Variants in RASGRF1 observed in about 807,000 individuals in gnomAD.
RASGRF1 encodes Ras protein specific guanine nucleotide releasing factor 1, also known as ras-specific guanine nucleotide-releasing factor 1.
Under a neutral mutation model 138.7 loss-of-function variants are expected in RASGRF1, and 40 were observed. The ratio of observed to expected loss-of-function variants is 0.29; its 90% CI spans 0.22 to 0.38. RASGRF1 has a LOEUF of 0.38. Among genes scored for constraint, RASGRF1 ranks in the 10% least tolerant of loss-of-function variants. The pLI, the probability that RASGRF1 is intolerant of heterozygous loss-of-function variation, is 1.00. For missense variants in RASGRF1, 1,108 were observed against 1,650.4 expected (o/e 0.67, Z 5.69); for synonymous variants, 614 against 663.2 (o/e 0.93, Z 1.14).
intron 20 of RASGRF1, among the ~76,000 whole-genome samples, chr15:78,992,094 C>T (rs146442689): frequency 6.2e-4 from 95 of 152,346 alleles, no homozygotes; most frequent in African/African-American, 2.1e-3. Context: ...ATGGAGGCTT[C>T]CAGAGGTGAG....
chr15:78,990,115 G>A (rs1379504097), intron 22 of RASGRF1, 74 bp downstream of exon 22: 13 of 1,237,704 alleles, frequency 1.1e-5, no homozygotes, highest in South Asian at 3.6e-5. Flanking sequence ...TGTATAGCCC[G>A]TTCTCTACCC....
intron 22 of RASGRF1, 102 bp from the exon 23 acceptor site, chr15:78,985,306 G>C: frequency 8.2e-7 from 1 of 1,222,918 alleles, no homozygotes; most frequent in Non-Finnish European, 1.1e-6. Flanking sequence ...GAAAATACAA[G>C]AAGGAATTGG....
At chr15:78,999,000 T>C (rs755033432) in intron 17 of RASGRF1, among the ~76,000 whole-genome samples, 175 bp from the exon 18 acceptor site, 1 of 152,202 alleles carries the variant, frequency 6.6e-6, no homozygotes, top group Non-Finnish European at 1.5e-5. Flanking sequence ...ACAGATGTCA[T>C]GGCTCCTCAG....
chr15:79,014,925 AAAAAACAAAAAAC>A (rs1567520814), intron 13 of RASGRF1, among the ~76,000 whole-genome samples: 7 of 24,034 alleles, frequency 2.9e-4, no homozygotes, highest in African/African-American at 3.3e-4. Context: ...TCAAAAAAAC[AAAAAACAAAAAAC>A]AAAAAACAAA....
chr15:78,978,905 G>A (rs1260602291), intron 24 of RASGRF1: 3 of 1,256,204 alleles, frequency 2.4e-6, no homozygotes, highest in Non-Finnish European at 3.1e-6. Context: ...CAGGGAGCAG[G>A]GGAATGTGGG....
At chr15:78,980,830 C>T in intron 23 of RASGRF1, 131 bp from the exon 24 acceptor site, 1 of 613,440 alleles carries the variant, frequency 1.6e-6, no homozygotes, top group Non-Finnish European at 2.7e-6. Context: ...ATCTGGGGGC[C>T]TCCTGTGTTT....
At chr15:79,029,019 T>C (rs1482135062) in intron 8 of RASGRF1, among the ~76,000 whole-genome samples, 1 of 152,268 alleles carries the variant, frequency 6.6e-6, no homozygotes, top group African/African-American at 2.4e-5. Context: ...ATGCCATGCC[T>C]GGCATGTGAC....
intron 24 of RASGRF1, among the ~76,000 whole-genome samples, chr15:78,975,203 C>T (rs2055847232): frequency 6.6e-6 from 1 of 152,030 alleles, no homozygotes; most frequent in South Asian, 2.1e-4. Context: ...CCAGCCTGAG[C>T]AACATAGTGA....
At chr15:78,966,653 C>A (rs1356415725) in intron 26 of RASGRF1, among the ~76,000 whole-genome samples, 1 of 151,506 alleles carries the variant, frequency 6.6e-6, no homozygotes, top group Admixed American at 6.6e-5. Flanking sequence ...TTAAAAAAGC[C>A]AAGTAGCATT....
intron 1 of RASGRF1, among the ~76,000 whole-genome samples, chr15:79,084,967 A>T (rs1270594148): frequency 6.6e-6 from 1 of 151,930 alleles, no homozygotes; most frequent in Admixed American, 6.6e-5. Flanking sequence ...CCGTTCCTTC[A>T]TCCTCTCAGG....
At chr15:78,985,432 A>G in intron 22 of RASGRF1, 2 of 459,054 alleles carry the variant, frequency 4.4e-6, no homozygotes, top group Non-Finnish European at 3.9e-6. Context: ...TACAACAAAA[A>G]TACAACCTTC....
intron 24 of RASGRF1, chr15:78,979,346 T>A: frequency 2.2e-6 from 1 of 451,698 alleles, no homozygotes; most frequent in Non-Finnish European, 3.5e-6. Flanking sequence ...TCAAAGCCAC[T>A]GTCAAGGGCT....
chr15:79,075,434 T>A (rs1201974244), intron 1 of RASGRF1, among the ~76,000 whole-genome samples: 5 of 152,150 alleles, frequency 3.3e-5, no homozygotes, highest in Non-Finnish European at 7.4e-5. Context: ...GGCCCCAGTA[T>A]GCCTCTCCTG....
At chr15:79,030,658 G>A (rs1232770254) in intron 8 of RASGRF1, among the ~76,000 whole-genome samples, 4 of 152,090 alleles carry the variant, frequency 2.6e-5, no homozygotes, top group Non-Finnish European at 4.4e-5. Context: ...TGGCACCTCC[G>A]CCCTCTGGTG....
chr15:79,078,595 G>C (rs1428782604), intron 1 of RASGRF1, among the ~76,000 whole-genome samples: 1 of 152,104 alleles, frequency 6.6e-6, no homozygotes, highest in African/African-American at 2.4e-5. Flanking sequence ...AATCCAGAAA[G>C]AACTCATCCA....
At chr15:78,979,055 A>C in intron 24 of RASGRF1, 1 of 1,291,434 alleles carries the variant, frequency 7.7e-7, no homozygotes, top group Non-Finnish European at 1.0e-6. Context: ...CCATGTGAGG[A>C]GGTGGATGGA....
rs2141712767 is a variant in RASGRF1, at chr15:79,003,985, G to A, written c.2266C>T (p.Leu756=). The change falls in exon 15 of 27, where the codon CTG becomes TTG. Residue 756 remains leucine (L), a synonymous_variant. Coordinates refer to ENST00000558480, the MANE Select transcript of RASGRF1 (RefSeq NM_001145648.3). The part of the protein sequence containing the change: ...PIITGGKALD[L]AALSCNSNGY... ...TTGGAGTTGCAGCTGAGGGCGGCCAGGTCCAGGGCCTTGCCGCCAGTGATG... is the reference window on the plus strand; with the variant it reads ...TTGGAGTTGCAGCTGAGGGCGGCCAAGTCCAGGGCCTTGCCGCCAGTGATG... 6.2e-7 allele frequency: 1 copy of A among 1,614,194 alleles called. No homozygotes were observed. The highest frequency in any genetic ancestry group is 2.2e-5 in the East Asian group (1 of 44,880).
chr15:78,993,382 T>TGTGTGG (rs2056322694), intron 20 of RASGRF1, among the ~76,000 whole-genome samples: 1 of 144,900 alleles, frequency 6.9e-6, no homozygotes, highest in African/African-American at 2.6e-5. Flanking sequence ...AGTGTGTGTG[T>TGTGTGG]GTGGGTGTGT....
intron 2 of RASGRF1, among the ~76,000 whole-genome samples, chr15:79,062,845 A>G (rs1194082454): frequency 6.7e-6 from 1 of 149,826 alleles, no homozygotes; most frequent in Admixed American, 6.7e-5. Context: ...CACCTGGCCA[A>G]CCTCATCTAC....
Sources: allele counts gnomAD v4.1 joint callset (sites outside exome capture counted in the v4.1 genomes callset), GRCh38; gene constraint gnomAD v4.1.1; transcripts MANE v1.5; gene names NCBI Gene and HGNC (gene_info 2026-07-23, HGNC 2026-07-21).